Variants in NTM observed in about 807,000 individuals in gnomAD.
NTM encodes neurotrimin, also known as IgLON family member 2.
NTM carries 13 observed loss-of-function variants against 42.1 expected under a neutral mutation model. That is an observed-to-expected ratio of 0.31 (90% confidence interval 0.20 to 0.49). NTM has a LOEUF of 0.49. Among genes scored for constraint, NTM ranks in the 20% least tolerant of loss-of-function variants. The pLI is 0.99. For synonymous variants in NTM, 187 were observed against 179.2 expected (o/e 1.04, Z -0.35); for missense variants, 373 against 452.8 (o/e 0.82, Z 1.60).
At chr11:131,930,408 C>T (rs7120997) in intron 2 of NTM, among the ~76,000 whole-genome samples, 8,810 of 152,142 alleles carry the variant, frequency 0.058, 831 homozygotes, top group African/African-American at 0.2. Flanking sequence ...CTGCACTCGG[C>T]AAATGTTTAA....
At chr11:131,813,591 T>C (rs1048378833) in intron 1 of NTM, among the ~76,000 whole-genome samples, 1 of 152,174 alleles carries the variant, frequency 6.6e-6, no homozygotes, top group South Asian at 2.1e-4. Context: ...CATAGGTAGA[T>C]GTTACAGATG....
chr11:131,792,888 G>A (rs559296856), intron 1 of NTM, among the ~76,000 whole-genome samples: 1 of 152,312 alleles, frequency 6.6e-6, no homozygotes, highest in African/African-American at 2.4e-5. Context: ...TATGGAAGAA[G>A]TCATATTCAC....
At position 132,314,663 on chromosome 11, in the gene NTM, C is replaced by A; in HGVS notation, c.894C>A (p.Ser298=). 6.2e-7 allele frequency: 1 copy of A among 1,613,832 alleles called. No individual in the cohort carries two copies. The highest frequency in any genetic ancestry group is 8.5e-7 in the Non-Finnish European group (1 of 1,179,916). The change falls in exon 7 of 9, where the codon TCC becomes TCA. Residue 298 remains serine (S), a synonymous_variant. Transcript: ENST00000683400. ...ATGGGAACTACACTTGCGTGGCCTCCAACAAGCTGGGCCACACCAATGCCA... is the reference window on the plus strand; with the variant it reads ...ATGGGAACTACACTTGCGTGGCCTCAAACAAGCTGGGCCACACCAATGCCA... ...HDYGNYTCVA[S]NKLGHTNASI... is the part of the protein sequence containing the mutation.
intron 1 of NTM, among the ~76,000 whole-genome samples, chr11:131,724,207 G>A (rs2078692734): frequency 6.6e-6 from 1 of 152,154 alleles, no homozygotes. Flanking sequence ...GGTGGCCAGG[G>A]CGCCTGCACC....
chr11:131,638,661 C>T (rs1047547307), intron 1 of NTM, among the ~76,000 whole-genome samples: 2 of 149,852 alleles, frequency 1.3e-5, no homozygotes, highest in African/African-American at 2.5e-5. Context: ...GGGCTGGCTT[C>T]AAGTCATACC....
intron 4 of NTM, among the ~76,000 whole-genome samples, chr11:132,239,056 G>C (rs924086234): frequency 6.6e-6 from 1 of 152,188 alleles, no homozygotes; most frequent in Admixed American, 6.5e-5. Context: ...GTCCTGGGGT[G>C]AATGAAGCAC....
At chr11:131,711,323 C>T (rs1347572180) in intron 1 of NTM, among the ~76,000 whole-genome samples, 1 of 152,068 alleles carries the variant, frequency 6.6e-6, no homozygotes, top group Non-Finnish European at 1.5e-5. Context: ...GGGCGAAGTA[C>T]ATGAACAGAC....
At position 132,206,716 on chromosome 11, in the gene NTM, T is replaced by A. The variant is rs923241703; in HGVS notation, c.401-5306T>A. On this transcript the variant is annotated intron_variant, in intron 3 of 8. Coordinates refer to ENST00000683400, the MANE Select transcript of NTM (RefSeq NM_001352005.2). ...ATTTCTGCCTTCCCATCTGTGCCCA[T>A]GCAATTCTGTCCCATTTGAAACAGC... Among the ~76,000 whole-genome samples the A allele has an allele frequency of 2.6e-5, 4 of 152,316 alleles. No homozygotes were observed. In the South Asian group the frequency reaches 6.2e-4, roughly 24 times the overall value.
At chr11:131,426,551 T>G (rs979697001) in intron 1 of NTM, among the ~76,000 whole-genome samples, 1 of 152,178 alleles carries the variant, frequency 6.6e-6, no homozygotes, top group Non-Finnish European at 1.5e-5. Flanking sequence ...CTAATCTCTT[T>G]GGGGACTTGG....
chr11:131,888,855 A>C (rs2050800077), intron 1 of NTM, among the ~76,000 whole-genome samples: 1 of 152,122 alleles, frequency 6.6e-6, no homozygotes, highest in South Asian at 2.1e-4. Context: ...CTGCATTTAA[A>C]GAGGAGCCTG....
At chr11:132,181,955 T>TTTATTATTA (rs56263428) in intron 3 of NTM, among the ~76,000 whole-genome samples, 26,369 of 140,798 alleles carry the variant, frequency 0.19, 2,878 homozygotes, top group Non-Finnish European at 0.25. Context: ...CACTATCTAG[T>TTTATTATTA]TTATTATTAT....
intron 1 of NTM, among the ~76,000 whole-genome samples, chr11:131,865,792 CA>C: frequency 6.6e-6 from 1 of 151,474 alleles, no homozygotes. Flanking sequence ...GCTACACACA[CA>C]CCTCCCACAC....
chr11:132,155,136 T>C (rs1419385092), intron 3 of NTM, among the ~76,000 whole-genome samples: 2 of 152,312 alleles, frequency 1.3e-5, no homozygotes, highest in African/African-American at 4.8e-5. Context: ...GGGGATTTAA[T>C]AGCTTAGTAG....
intron 3 of NTM, among the ~76,000 whole-genome samples, chr11:132,169,897 C>A (rs1463874934): frequency 6.6e-6 from 1 of 152,134 alleles, no homozygotes; most frequent in Admixed American, 6.5e-5. Flanking sequence ...CCTCAGTTAT[C>A]CCACCTTTGT....
At chr11:131,479,207 G>T (rs1341431685) in intron 1 of NTM, among the ~76,000 whole-genome samples, 2 of 152,174 alleles carry the variant, frequency 1.3e-5, no homozygotes, top group Admixed American at 1.3e-4. Flanking sequence ...AAGCATTTTA[G>T]GGCTTGGAGA....
intron 1 of NTM, among the ~76,000 whole-genome samples, chr11:131,789,751 TC>T (rs1300149690): frequency 6.7e-6 from 1 of 150,250 alleles, no homozygotes; most frequent in Non-Finnish European, 1.5e-5. Flanking sequence ...GGTCAGGAGA[TC>T]AAGACCATCC....
chr11:131,505,779 T>A (rs1485851905), intron 1 of NTM, among the ~76,000 whole-genome samples: 1 of 152,152 alleles, frequency 6.6e-6, no homozygotes, highest in African/African-American at 2.4e-5. Flanking sequence ...CCCAACCCAG[T>A]TGAGAACTAT....
intron 2 of NTM, among the ~76,000 whole-genome samples, chr11:132,076,277 T>C (rs1171420115): frequency 2.0e-5 from 3 of 152,190 alleles, no homozygotes; most frequent in African/African-American, 7.2e-5. Context: ...CTGCAACAAC[T>C]CAACTCAGCC....
At chr11:132,235,227 A>AC (rs2088548978) in intron 4 of NTM, among the ~76,000 whole-genome samples, 1 of 152,074 alleles carries the variant, frequency 6.6e-6, no homozygotes, top group Non-Finnish European at 1.5e-5. Flanking sequence ...TCATCTTCCG[A>AC]CCCCTCAAGG....
Sources: gnomAD v4.1 joint callset for allele counts (sites outside exome capture counted in the v4.1 genomes callset) on GRCh38, gnomAD v4.1.1 for gene constraint, MANE v1.5 for transcripts, NCBI Gene and HGNC (gene_info 2026-07-23, HGNC 2026-07-21) for gene names.